The following KLHL4 variants were observed in gnomAD, a reference collection of about 807,000 sequenced individuals.
The protein encoded by KLHL4 is kelch-like protein 4.
A neutral mutation model predicts 45.8 loss-of-function variants in KLHL4; 17 were observed. The ratio of observed to expected loss-of-function variants is 0.37; its 90% CI spans 0.25 to 0.56. The LOEUF (loss-of-function observed/expected upper bound fraction) is 0.56, where lower values mean the gene tolerates loss of function less well. KLHL4 is among the 20% of genes least tolerant of loss of function. The pLI is 0.79. For missense variants in KLHL4, 544 were observed against 544.9 expected (o/e 1.00, Z 0.02); for synonymous variants, 224 against 189.9 (o/e 1.18, Z -1.47).
intron 1 of KLHL4, among the ~76,000 whole-genome samples, chrX:87,608,424 A>G (rs1286180058): frequency 1.8e-5 from 2 of 111,235 alleles, no homozygotes; most frequent in East Asian, 5.6e-4. Flanking sequence ...GCCACACTGG[A>G]CTGTTGCAGT....
At chrX:87,656,746 G>T (rs996398983) in intron 9 of KLHL4, among the ~76,000 whole-genome samples, 6 of 110,867 alleles carry the variant, frequency 5.4e-5, no homozygotes, top group Admixed American at 3.9e-4. Context: ...ATGCTTTAGG[G>T]TTATTATAAC....
chrX:87,633,199 T>C (rs1249498410), intron 7 of KLHL4, among the ~76,000 whole-genome samples: 1 of 111,408 alleles, frequency 9.0e-6, no homozygotes, highest in Non-Finnish European at 1.9e-5. Flanking sequence ...AAAACAATTA[T>C]GTAAATTATC....
chrX:87,621,942 C>T (rs1019224975), intron 4 of KLHL4, among the ~76,000 whole-genome samples: 2 of 111,602 alleles, frequency 1.8e-5, no homozygotes, highest in Non-Finnish European at 3.8e-5. Context: ...CTTTTGGCTC[C>T]AACACTCTGC....
intron 9 of KLHL4, among the ~76,000 whole-genome samples, chrX:87,653,844 C>T (rs945731165): frequency 9.0e-6 from 1 of 111,467 alleles, no homozygotes; most frequent in African/African-American, 3.3e-5. Flanking sequence ...ATGTATGAAG[C>T]TGGAAGCCAT....
At chrX:87,631,305 CT>C (rs1175485128) in intron 6 of KLHL4, among the ~76,000 whole-genome samples, 5 of 111,726 alleles carry the variant, frequency 4.5e-5, no homozygotes, top group Non-Finnish European at 3.8e-5. Context: ...CCTGTGCAAG[CT>C]TCCAGCTTGC....
chrX:87,582,132 G>A (rs1006006846), intron 1 of KLHL4, among the ~76,000 whole-genome samples: 2 of 111,731 alleles, frequency 1.8e-5, no homozygotes, highest in African/African-American at 6.5e-5. Flanking sequence ...CTATCTTTCT[G>A]AAGTAAGACA....
chrX:87,632,302 G>C lies in KLHL4; in HGVS notation c.1417G>C (p.Val473Leu). 1 of 1,208,454 alleles carries C rather than the reference G, an allele frequency of 8.3e-7. No homozygotes were observed. Among genetic ancestry groups the C allele is most frequent in the Non-Finnish European group, 1.1e-6 (1 of 892,585 alleles). Residue 473 changes from valine (V) to leucine (L), a missense_variant, in exon 7 of 11, where the codon GTT becomes CTT. By Grantham distance (32) the Val-to-Leu change is conservative. Transcript: ENST00000373119. The stretch of plus-strand genomic sequence containing the variant: ...CCGTAGGCTTCAATTTGGAGTCGCA[G>C]TTATTGATAATAAGCTCTATGTCGT... ...NGRRLQFGVA[V>L]IDNKLYVVGG...
chrX:87,662,411 T>G (rs1304168579), intron 9 of KLHL4, among the ~76,000 whole-genome samples: 1 of 112,175 alleles, frequency 8.9e-6, no homozygotes, highest in Non-Finnish European at 1.9e-5. Flanking sequence ...TAGACAACTT[T>G]GAATGCTGAA....
intron 9 of KLHL4, among the ~76,000 whole-genome samples, chrX:87,662,604 G>A (rs974243297): frequency 1.8e-5 from 2 of 111,087 alleles, no homozygotes; most frequent in Non-Finnish European, 3.8e-5. Flanking sequence ...TTCCACACAC[G>A]CAAAGTTGTA....
intron 1 of KLHL4, among the ~76,000 whole-genome samples, chrX:87,558,023 T>C (rs750150529): frequency 8.9e-6 from 1 of 111,768 alleles, no homozygotes; most frequent in East Asian, 2.8e-4. Context: ...TTCCCCATCT[T>C]GTCTAAGAAA....
chrX:87,636,731 G>A (rs1232468975), intron 9 of KLHL4, among the ~76,000 whole-genome samples: 1 of 110,196 alleles, frequency 9.1e-6, no homozygotes, highest in African/African-American at 3.3e-5. Flanking sequence ...GGTGGCCTAT[G>A]TGACAAAGCA....
At chrX:87,560,242 A>G (rs916554102) in intron 1 of KLHL4, among the ~76,000 whole-genome samples, 3 of 111,802 alleles carry the variant, frequency 2.7e-5, no homozygotes, top group African/African-American at 9.7e-5. Context: ...CTAGAAAAAT[A>G]CCTCATGCTT....
chrX:87,574,668 T>A (rs1306832282), intron 1 of KLHL4, among the ~76,000 whole-genome samples: 1 of 111,677 alleles, frequency 9.0e-6, no homozygotes, highest in East Asian at 2.8e-4. Context: ...ATTAGGAGGC[T>A]AATCAGTGTG....
chrX:87,620,616 C>A (rs962157813), intron 4 of KLHL4, among the ~76,000 whole-genome samples: 17 of 111,731 alleles, frequency 1.5e-4, no homozygotes, highest in African/African-American at 5.2e-4. Context: ...TACTATATAA[C>A]CTTAAGTTTT....
At chrX:87,590,305 C>T (rs1254701234) in intron 1 of KLHL4, among the ~76,000 whole-genome samples, 4 of 109,040 alleles carry the variant, frequency 3.7e-5, no homozygotes, top group Non-Finnish European at 5.7e-5. Flanking sequence ...TCAGCCAAAC[C>T]CCCCCAGAAA....
Position 87,518,141 on chromosome X carries a change from C to A in KLHL4, c.248C>A (p.Ala83Asp). Reference sequence around the variant, plus strand: ...GCACCAGTGCCAGGACCGGCCCCTGCCCATCAGAGAGCCGTTCAGAATTTG... The same window carrying A: ...GCACCAGTGCCAGGACCGGCCCCTGACCATCAGAGAGCCGTTCAGAATTTG... ...ILAPVPGPAP[A>D]HQRAVQNLQQ... Residue 83 changes from alanine (A) to aspartate (D), a missense_variant, in exon 1 of 11, where the codon GCC becomes GAC. Physicochemically the swap from Ala to Asp is moderately radical, Grantham distance 126. Transcript: ENST00000373119. 1 of 1,211,819 alleles carries A rather than the reference C, an allele frequency of 8.3e-7. No individual in the cohort carries two copies. Among genetic ancestry groups the A allele is most frequent in the Non-Finnish European group, 1.1e-6 (1 of 895,474 alleles).
intron 9 of KLHL4, among the ~76,000 whole-genome samples, chrX:87,638,621 T>C (rs1213584257): frequency 9.0e-6 from 1 of 111,680 alleles, no homozygotes; most frequent in African/African-American, 3.3e-5. Flanking sequence ...AGATAGAGTC[T>C]TTTTTAGACA....
intron 1 of KLHL4, among the ~76,000 whole-genome samples, chrX:87,584,571 C>A (rs769493950): frequency 9.0e-6 from 1 of 111,427 alleles, no homozygotes; most frequent in African/African-American, 3.3e-5. Flanking sequence ...AATTTTACCA[C>A]TGGAGAATGC....
In KLHL4 at chrX:87,668,189, T is replaced by A; in HGVS notation, c.*1655T>A. The A allele has an allele frequency of 1.3e-6, 1 of 751,918 alleles. No homozygotes were observed. The highest frequency in any genetic ancestry group is 1.6e-6 in the Non-Finnish European group (1 of 637,288). The allele number at this position is 751,918 out of a possible 1,213,427, so 62.0% of individuals were successfully genotyped here. ...CTTTTGAATTCACACCTTATTGAAA[T>A]CAGTGTAGAAGTAGAGTTACCTAAA... On this transcript the variant is annotated 3_prime_UTR_variant, in exon 11 of 11. Transcript: ENST00000373119.
Sources: gnomAD v4.1 joint callset for allele counts (sites outside exome capture counted in the v4.1 genomes callset) on GRCh38, gnomAD v4.1.1 for gene constraint, MANE v1.5 for transcripts, NCBI Gene and HGNC (gene_info 2026-07-23, HGNC 2026-07-21) for gene names.